Variants in SLX9 observed in about 807,000 individuals in gnomAD.
SLX9 encodes SLX9 ribosome biogenesis factor, also known as ribosome biogenesis protein SLX9 homolog.
In SLX9, 19 loss-of-function variants were observed where a neutral mutation model predicts 20.8. That is an observed-to-expected ratio of 0.91 (90% confidence interval 0.64 to 1.34). The LOEUF is 1.34. SLX9 is among the 40% of genes most tolerant of loss of function. The pLI, the probability that SLX9 is intolerant of heterozygous loss-of-function variation, is 0.00. For synonymous variants in SLX9, 113 were observed against 137.1 expected, an observed-to-expected ratio of 0.82 and a Z score of 1.23; for missense variants, 299 against 322.2, an observed-to-expected ratio of 0.93 and a Z score of 0.55.
chr21:44,960,342 A>G (rs1229597241), intron 3 of SLX9, among the ~76,000 whole-genome samples, 174 bp downstream of exon 3: 1 of 152,144 alleles, frequency 6.6e-6, no homozygotes, highest in Admixed American at 6.5e-5. Flanking sequence ...AGGACAGTGG[A>G]GGCACAGAGA....
At chr21:44,942,415 G>C (rs1172952679) in intron 1 of SLX9, among the ~76,000 whole-genome samples, 3 of 152,082 alleles carry the variant, frequency 2.0e-5, no homozygotes, top group African/African-American at 7.2e-5. Flanking sequence ...TTCTCCCTCA[G>C]GTGCTGTGGG....
intron 2 of SLX9, among the ~76,000 whole-genome samples, chr21:44,945,323 G>A (rs1048966970): frequency 2.0e-5 from 3 of 152,222 alleles, no homozygotes; most frequent in African/African-American, 7.2e-5. Flanking sequence ...TGGGTGGTCC[G>A]CCCGAGCTGT....
intron 2 of SLX9, among the ~76,000 whole-genome samples, chr21:44,950,387 T>C (rs1161573292): frequency 1.3e-5 from 2 of 152,244 alleles, no homozygotes; most frequent in Non-Finnish European, 2.9e-5. Context: ...GAGATGGCTC[T>C]GTGGAAGCGA....
chr21:44,968,311 C>T (rs1472888460), intron 4 of SLX9, among the ~76,000 whole-genome samples: 4 of 152,152 alleles, frequency 2.6e-5, no homozygotes, highest in Non-Finnish European at 5.9e-5. Context: ...TACCACCACC[C>T]GGTGACGCAA....
chr21:44,973,278 GC>G lies in SLX9; in HGVS notation c.569+16del, dbSNP rs769505403. ...GACAGCAGCTTCTGTGAGTGCACCTGCCCACCTCCTCAGGGGTTCAGCTCCT... is the reference window on the plus strand; with the variant it reads ...GACAGCAGCTTCTGTGAGTGCACCTGCCACCTCCTCAGGGGTTCAGCTCCT... On this transcript the variant is annotated intron_variant, in intron 5 of 5. Transcript: ENST00000291634. 1.2e-6 allele frequency: 2 copies of G among 1,611,532 alleles called. No individual in the cohort carries two copies. The highest frequency in any genetic ancestry group is 2.2e-5 in the East Asian group (1 of 44,876).
chr21:44,962,957 A>G (rs1454334826), intron 3 of SLX9, among the ~76,000 whole-genome samples: 1 of 152,170 alleles, frequency 6.6e-6, no homozygotes, highest in Middle Eastern at 3.2e-3. Flanking sequence ...CGTCAGTGAA[A>G]TTCATTTTTC....
chr21:44,953,269 G>C (rs896107559), intron 2 of SLX9, among the ~76,000 whole-genome samples: 2 of 152,338 alleles, frequency 1.3e-5, no homozygotes, highest in African/African-American at 4.8e-5. Context: ...CCTGGGCACT[G>C]TGGTTTTCTG....
chr21:44,972,641 A>C (rs2085172876), intron 4 of SLX9, among the ~76,000 whole-genome samples: 1 of 152,220 alleles, frequency 6.6e-6, no homozygotes, highest in Non-Finnish European at 1.5e-5. Context: ...GGGCAGGTGC[A>C]GCTTCCCACT....
intron 4 of SLX9, 151 bp downstream of exon 4, chr21:44,967,332 C>G: frequency 8.3e-7 from 1 of 1,209,654 alleles, no homozygotes; most frequent in Non-Finnish European, 1.1e-6. Flanking sequence ...CGCACAGGTA[C>G]CCTGTTCTCA....
chr21:44,949,446 C>T (rs1728350684), intron 2 of SLX9, among the ~76,000 whole-genome samples: 1 of 152,116 alleles, frequency 6.6e-6, no homozygotes, highest in Admixed American at 6.5e-5. Flanking sequence ...CGGGTGGACA[C>T]AGGGACCACA....
intron 3 of SLX9, among the ~76,000 whole-genome samples, chr21:44,960,549 G>T (rs1340961266): frequency 6.6e-6 from 1 of 152,212 alleles, no homozygotes; most frequent in African/African-American, 2.4e-5. Flanking sequence ...TTTTATTGTG[G>T]AAGTAACCTG....
chr21:44,961,475 G>A (rs571749470), intron 3 of SLX9, among the ~76,000 whole-genome samples: 4 of 152,282 alleles, frequency 2.6e-5, no homozygotes, highest in South Asian at 2.1e-4. Context: ...TAGTCCTAGC[G>A]ACTTAGGAGG....
At chr21:44,946,456 A>G (rs1425571770) in intron 2 of SLX9, among the ~76,000 whole-genome samples, 1 of 152,204 alleles carries the variant, frequency 6.6e-6, no homozygotes, top group African/African-American at 2.4e-5. Flanking sequence ...GCCGTGCGGC[A>G]GGGTCAGGGT....
intron 2 of SLX9, among the ~76,000 whole-genome samples, chr21:44,958,729 C>T (rs577124338): frequency 6.6e-5 from 10 of 152,194 alleles, no homozygotes; most frequent in Non-Finnish European, 1.5e-4. Context: ...CAGTTCCAGG[C>T]GGCCTCTGCT....
At chr21:44,942,292 G>T (rs1226753466) in intron 1 of SLX9, among the ~76,000 whole-genome samples, 2 of 152,204 alleles carry the variant, frequency 1.3e-5, no homozygotes, top group African/African-American at 4.8e-5. Flanking sequence ...TCAGCCACCT[G>T]CCTGCCCATC....
intron 2 of SLX9, among the ~76,000 whole-genome samples, chr21:44,951,654 A>G (rs1426397838): frequency 1.3e-5 from 2 of 152,294 alleles, no homozygotes; most frequent in Admixed American, 1.3e-4. Context: ...GATAAAAGCC[A>G]GGCCCTGCCC....
upstream of SLX9, chr21:44,939,755 C>T (rs2084503790): frequency 1.8e-6 from 1 of 543,094 alleles, no homozygotes; most frequent in African/African-American, 1.9e-5. Flanking sequence ...GGGTCGCGTC[C>T]TCTCCATCCC....
chr21:44,959,610 C>T (rs192492503), intron 2 of SLX9, among the ~76,000 whole-genome samples: 1 of 152,340 alleles, frequency 6.6e-6, no homozygotes, highest in Non-Finnish European at 1.5e-5. Flanking sequence ...AGGGATGAAG[C>T]CTCTGGTCAC....
chr21:44,961,607 A>G (rs759333137), intron 3 of SLX9, among the ~76,000 whole-genome samples: 2 of 152,148 alleles, frequency 1.3e-5, no homozygotes, highest in Non-Finnish European at 2.9e-5. Context: ...TAATGATCAA[A>G]TTTAGTCAGA....
Sources: gnomAD v4.1 joint callset for allele counts (sites outside exome capture counted in the v4.1 genomes callset) on GRCh38, gnomAD v4.1.1 for gene constraint, MANE v1.5 for transcripts, NCBI Gene and HGNC (gene_info 2026-07-23, HGNC 2026-07-21) for gene names.